Variants in JAKMIP1 observed in about 807,000 individuals in gnomAD.
JAKMIP1 encodes the protein janus kinase and microtubule interacting protein 1.
In JAKMIP1, 33 loss-of-function variants were observed where a neutral mutation model predicts 113.0. That is an observed-to-expected ratio of 0.29 (90% CI 0.22 to 0.39). The LOEUF (loss-of-function observed/expected upper bound fraction) is 0.39, where lower values mean the gene tolerates loss of function less well. Among genes scored for constraint, JAKMIP1 ranks in the 10% least tolerant of loss-of-function variants. The pLI is 1.00. For missense variants in JAKMIP1, 813 were observed against 1,080.5 expected, an observed-to-expected ratio of 0.75 and a Z score of 3.47; for synonymous variants, 480 against 459.9, an observed-to-expected ratio of 1.04 and a Z score of -0.56.
In JAKMIP1 at chr4:6,051,903, C is replaced by G. The variant is rs1291950126; in HGVS notation, c.1807-1224G>C. 6.6e-6 allele frequency among the ~76,000 whole-genome samples: 1 copy of G among 152,144 alleles called. No homozygotes were observed. Among genetic ancestry groups the G allele is most frequent in the East Asian group, 1.9e-4 (1 of 5,194 alleles). On this transcript the variant is annotated intron_variant, in intron 13 of 20. Coordinates refer to ENST00000409021, the MANE Select transcript of JAKMIP1 (RefSeq NM_001099433.2). The surrounding 1 kb of genome is among the most constrained non-coding windows in gnomAD (Gnocchi z 5.0). ...CAGAGAAGACCTTTTCAAATTACAC[C>G]TTTAAATCAAACTGCTTTAGTTTGA...
intron 1 of JAKMIP1, among the ~76,000 whole-genome samples, chr4:6,132,659 A>AG (rs992225919): frequency 6.6e-5 from 10 of 151,900 alleles, no homozygotes; most frequent in African/African-American, 2.2e-4. Flanking sequence ...AAAAAAAAAA[A>AG]AAAGAAAGCA....
chr4:6,151,324 C>G (rs1721550029), intron 1 of JAKMIP1, among the ~76,000 whole-genome samples: 1 of 152,208 alleles, frequency 6.6e-6, no homozygotes. Context: ...CTCAAGATCT[C>G]AAGCCCAGCA....
intron 12 of JAKMIP1, chr4:6,054,620 G>C (rs113479564): frequency 8.5e-5 from 34 of 400,816 alleles, no homozygotes; most frequent in African/African-American, 6.2e-4. Flanking sequence ...TCCCCACAGA[G>C]CTTGCAGAAG....
At position 6,076,804 on chromosome 4, in the gene JAKMIP1, T is replaced by C. The variant is rs1246297488; in HGVS notation, c.1302+2135A>G. Among the ~76,000 whole-genome samples the C allele has an allele frequency of 2.0e-5, 3 of 152,250 alleles. No homozygotes were observed. The highest frequency in any genetic ancestry group is 2.1e-4 in the South Asian group (1 of 4,832). ...AAATTCATTTGTTTCATATACACTT[T>C]ATATATAATACATAGCCTGAAGGGA... On this transcript the variant is annotated intron_variant, in intron 8 of 20. Transcript: ENST00000409021. This position sits in a 1 kb window ranked among gnomAD's most constrained non-coding sequence, Gnocchi z 4.8.
At chr4:6,196,238 T>G (rs1039315498) in intron 1 of JAKMIP1, among the ~76,000 whole-genome samples, 1 of 152,168 alleles carries the variant, frequency 6.6e-6, no homozygotes, top group African/African-American at 2.4e-5. Flanking sequence ...TATTTTTGCA[T>G]CTAATAGTGA....
chr4:6,091,822 T>C (rs1216486658), intron 3 of JAKMIP1, among the ~76,000 whole-genome samples: 17 of 152,194 alleles, frequency 1.1e-4, no homozygotes, highest in Non-Finnish European at 2.4e-4. Flanking sequence ...GAACTGGTGG[T>C]TTGTCACCAA....
intron 1 of JAKMIP1, among the ~76,000 whole-genome samples, chr4:6,196,347 C>A (rs1727841748): frequency 6.6e-6 from 1 of 152,216 alleles, no homozygotes; most frequent in South Asian, 2.1e-4. Flanking sequence ...CCTTCCCTGT[C>A]CCTGCCCCTC....
intron 1 of JAKMIP1, among the ~76,000 whole-genome samples, chr4:6,119,630 C>G (rs1578291801): frequency 6.6e-6 from 1 of 152,236 alleles, no homozygotes; most frequent in Admixed American, 6.5e-5. Context: ...AGGCAACCAG[C>G]TCCTCAGAAC....
intron 3 of JAKMIP1, among the ~76,000 whole-genome samples, chr4:6,102,160 T>C (rs78472200): frequency 0.025 from 3,758 of 152,348 alleles, 156 homozygotes; most frequent in African/African-American, 0.082. Flanking sequence ...AATGATATTT[T>C]TTAAGATTTC....
At position 6,069,960 on chromosome 4, in the gene JAKMIP1, T is replaced by C. The variant is rs1718724648; in HGVS notation, c.1303-4952A>G. The C allele has an allele frequency of 2.5e-6, 1 of 396,448 alleles. No homozygotes were observed. The highest frequency in any genetic ancestry group is 4.4e-6 in the Non-Finnish European group (1 of 225,022). The allele number at this position is 396,448 out of a possible 1,614,324, so 24.6% of individuals were successfully genotyped here. A position where few individuals can be genotyped will look rare whatever the true frequency, so the allele number is the denominator to read the frequency against. ...CTGTCTTCTCACCTTCCTATCATTT[T>C]CAACAGAGCCACCTGTCACAGGCAG... On this transcript the variant is annotated intron_variant, in intron 8 of 20. Transcript: ENST00000409021. The surrounding 1 kb of genome is among the most constrained non-coding windows in gnomAD (Gnocchi z 4.5).
At chr4:6,041,210 G>A (rs986726402) in intron 17 of JAKMIP1, among the ~76,000 whole-genome samples, 12 of 152,116 alleles carry the variant, frequency 7.9e-5, no homozygotes, top group South Asian at 2.1e-4. Context: ...TGATCTCTCC[G>A]GAGTGCAAAT....
In JAKMIP1 at chr4:6,194,761, T is replaced by G. The variant is rs1364770959; in HGVS notation, c.-148+5492A>C. 1 of 152,316 alleles carries G rather than the reference T, an allele frequency of 6.6e-6. No homozygotes were observed. The highest frequency in any genetic ancestry group is 1.9e-4 in the East Asian group (1 of 5,176). 9.4% of individuals were successfully genotyped at this position (152,316 alleles called of 1,614,324 possible). On this transcript the variant is annotated intron_variant, in intron 1 of 20. Transcript: ENST00000409021. This position sits in a 1 kb window ranked among gnomAD's most constrained non-coding sequence, Gnocchi z 7.4. The stretch of plus-strand genomic sequence containing the variant: ...ACAGAACCCCTTTCATTCCTTAAAG[T>G]GGCCCTTCAGCCAGTCTAAGCCACG...
At position 6,112,716 on chromosome 4, in the gene JAKMIP1, C is replaced by A; in HGVS notation, c.129+6G>T. The A allele has an allele frequency of 1.9e-6, 3 of 1,613,318 alleles. No individual in the cohort carries two copies. The highest frequency in any genetic ancestry group is 1.7e-6 in the Non-Finnish European group (2 of 1,179,762). On this transcript the variant is annotated splice_donor_region_variant and intron_variant, in intron 2 of 20. Transcript: ENST00000409021. ...CAGCCGCTGCTGAGCTGACGCCAAC[C>A]CCCACCTTGCTTTTTTCCTGCTGGA... is the stretch of plus-strand genomic sequence containing the variant.
intron 19 of JAKMIP1, among the ~76,000 whole-genome samples, chr4:6,033,712 A>G (rs980097627): frequency 2.6e-5 from 4 of 152,200 alleles, no homozygotes; most frequent in Admixed American, 6.5e-5. Context: ...CTTTCCATAT[A>G]TAAACTTTAA....
chr4:6,175,151 G>C (rs1401769458), intron 1 of JAKMIP1, among the ~76,000 whole-genome samples: 1 of 151,986 alleles, frequency 6.6e-6, no homozygotes, highest in African/African-American at 2.4e-5. Context: ...CAACATCAGG[G>C]GGCAGCAACA....
rs1350089915 is a variant in JAKMIP1 at position 6,154,546 on chromosome 4, T to C, written c.-147-41549A>G. Among the ~76,000 whole-genome samples the C allele has an allele frequency of 1.3e-5, 2 of 150,316 alleles. No homozygotes were observed. The highest frequency in any genetic ancestry group is 4.9e-5 in the African/African-American group (2 of 40,952). ...GGGATATAAAAGGAAGAGGATGCAT[T>C]TCAGCCTTGAAAAAGGCAATACCGA... On this transcript the variant is annotated intron_variant, in intron 1 of 20. Coordinates refer to ENST00000409021, the MANE Select transcript of JAKMIP1 (RefSeq NM_001099433.2). The surrounding 1 kb of genome is among the most constrained non-coding windows in gnomAD (Gnocchi z 4.2).
At chr4:6,111,459 G>A (rs1714919346) in intron 2 of JAKMIP1, among the ~76,000 whole-genome samples, 1 of 152,184 alleles carries the variant, frequency 6.6e-6, no homozygotes, top group East Asian at 1.9e-4. Flanking sequence ...CCACCAAATA[G>A]GACTGCAGCT....
At position 6,031,657 on chromosome 4, in the gene JAKMIP1, G is replaced by T. The variant is rs544220530; in HGVS notation, c.2380-1876C>A. On this transcript the variant is annotated intron_variant, in intron 19 of 20. Transcript: ENST00000409021. This position sits in a 1 kb window ranked among gnomAD's most constrained non-coding sequence, Gnocchi z 4.4. Reference sequence around the variant, plus strand: ...CACAGCTTTGGGGTTGCCATGGGGAGCCAGTGACGGGTTCTAAGCAGGGAA... The same window carrying T: ...CACAGCTTTGGGGTTGCCATGGGGATCCAGTGACGGGTTCTAAGCAGGGAA... Among the ~76,000 whole-genome samples the T allele has an allele frequency of 4.6e-5, 7 of 152,300 alleles. No individual in the cohort carries two copies. The East Asian group carries it at 9.7e-4, about 21-fold the overall frequency.
intron 8 of JAKMIP1, among the ~76,000 whole-genome samples, chr4:6,068,874 C>T (rs1718550910): frequency 1.3e-5 from 2 of 152,122 alleles, no homozygotes. Context: ...CCAGCCTTAA[C>T]ATTTTTTTAT....
Sources: gnomAD v4.1 joint callset for allele counts (sites outside exome capture counted in the v4.1 genomes callset) on GRCh38, gnomAD v4.1.1 for gene constraint, Gnocchi (gnomAD v3.1) non-coding constraint, MANE v1.5 for transcripts, NCBI Gene and HGNC (gene_info 2026-07-23, HGNC 2026-07-21) for gene names.